Variants in GOLGA7B observed in about 807,000 individuals in gnomAD.
The protein encoded by GOLGA7B is golgin A7 family member B, also known as golgin subfamily A member 7B.
In GOLGA7B, 17 loss-of-function variants were observed where a neutral mutation model predicts 21.5. The observed-to-expected ratio is 0.79, with a 90% confidence interval of 0.54 to 1.19. The LOEUF (loss-of-function observed/expected upper bound fraction) is 1.19, where lower values mean the gene tolerates loss of function less well. Among genes scored for constraint, GOLGA7B ranks in the 50% most tolerant of loss-of-function variants. The pLI, the probability that GOLGA7B is intolerant of heterozygous loss-of-function variation, is 0.00. For missense variants in GOLGA7B, 169 were observed against 224.4 expected, an observed-to-expected ratio of 0.75 and a Z score of 1.58; for synonymous variants, 87 against 84.0, an observed-to-expected ratio of 1.04 and a Z score of -0.19.
chr10:97,856,521 A>G (rs1011318472), intron 1 of GOLGA7B, among the ~76,000 whole-genome samples: 5 of 152,192 alleles, frequency 3.3e-5, no homozygotes, highest in Non-Finnish European at 5.9e-5. Flanking sequence ...TGACTTTGCT[A>G]TTGTGAATAG....
At chr10:97,850,512 C>A (rs771266892) in intron 1 of GOLGA7B, among the ~76,000 whole-genome samples, 197 bp downstream of exon 1, 9 of 152,194 alleles carry the variant, frequency 5.9e-5, no homozygotes, top group South Asian at 2.1e-4. Context: ...CCTCGCCCCA[C>A]CTGAGCCCCC....
chr10:97,859,426 T>G (rs1276184471), intron 1 of GOLGA7B, 32 bp from the exon 2 acceptor site: 1 of 1,611,648 alleles, frequency 6.2e-7, no homozygotes, highest in East Asian at 2.2e-5. Context: ...GGATGGTCAC[T>G]CTCAGCACAT....
chr10:97,853,206 C>T (rs2049914526), intron 1 of GOLGA7B, among the ~76,000 whole-genome samples: 1 of 152,166 alleles, frequency 6.6e-6, no homozygotes, highest in African/African-American at 2.4e-5. Context: ...TTAGGCCTGA[C>T]CTGGCTGTCT....
At chr10:97,854,931 G>C (rs909648888) in intron 1 of GOLGA7B, among the ~76,000 whole-genome samples, 3 of 152,122 alleles carry the variant, frequency 2.0e-5, no homozygotes, top group Admixed American at 1.3e-4. Context: ...TCAACACAGG[G>C]CTCCACCAGC....
Position 97,866,690 on chromosome 10 carries a change from G to A in GOLGA7B, c.*990G>A, listed in dbSNP as rs1484544548. 1 of 152,246 alleles carries A rather than the reference G, an allele frequency of 6.6e-6. No homozygotes were observed. Among genetic ancestry groups the A allele is most frequent in the Non-Finnish European group, 1.5e-5 (1 of 68,044 alleles). The allele number at this position is 152,246 out of a possible 1,614,324, so 9.4% of individuals were successfully genotyped here. On this transcript the variant is annotated 3_prime_UTR_variant, in exon 5 of 5. Transcript: ENST00000370602. ...TATAAGCACACCTGTGTGTGTCTGA[G>A]TACATGTGCACACACGTGTGCACAA...
Position 97,869,921 on chromosome 10 carries a change from C to G in GOLGA7B, c.*4221C>G, listed in dbSNP as rs968737159. ...CATCACCACCTGGTTTGGGCTTTAC[C>G]ATTCACCCAGGGATAAGGCAAGGCA... On this transcript the variant is annotated 3_prime_UTR_variant, in exon 5 of 5. Coordinates refer to ENST00000370602, the MANE Select transcript of GOLGA7B (RefSeq NM_001010917.3). 6.6e-6 allele frequency: 1 copy of G among 152,286 alleles called. No individual in the cohort carries two copies. The highest frequency in any genetic ancestry group is 1.5e-5 in the Non-Finnish European group (1 of 68,096). 9.4% of individuals were successfully genotyped at this position (152,286 alleles called of 1,614,324 possible).
rs2050017490 is a variant in GOLGA7B, at chr10:97,865,893, T to C, written c.*193T>C. The C allele has an allele frequency of 1.1e-6, 1 of 911,400 alleles. No homozygotes were observed. The highest frequency in any genetic ancestry group is 1.6e-6 in the Non-Finnish European group (1 of 633,268). 56.5% of individuals were successfully genotyped at this position (911,400 alleles called of 1,614,324 possible). The stretch of plus-strand genomic sequence containing the variant: ...CTATGCCCCCTGTCCCTCACCCCCG[T>C]CTGGATCAGTCCATTTCCTGACCTG... On this transcript the variant is annotated 3_prime_UTR_variant, in exon 5 of 5. Coordinates refer to ENST00000370602, the MANE Select transcript of GOLGA7B (RefSeq NM_001010917.3).
In GOLGA7B at chr10:97,865,829, GGA is replaced by G; in HGVS notation, c.*131_*132del. The G allele has an allele frequency of 8.4e-7, 1 of 1,194,904 alleles. No individual in the cohort carries two copies. Among genetic ancestry groups the G allele is most frequent in the Non-Finnish European group, 1.1e-6 (1 of 889,020 alleles). The allele number at this position is 1,194,904 out of a possible 1,614,324, so 74.0% of individuals were successfully genotyped here. ...CTCACCCTGCTGCCCGGGGTGGGAG[GGA>G]GGGTGACGGGCCTCATATTTCCTGT... On this transcript the variant is annotated 3_prime_UTR_variant, in exon 5 of 5. Transcript: ENST00000370602.
chr10:97,862,414 T>C (rs1379382523), intron 2 of GOLGA7B, among the ~76,000 whole-genome samples: 1 of 152,212 alleles, frequency 6.6e-6, no homozygotes, highest in African/African-American at 2.4e-5. Flanking sequence ...GAGTCTTCTG[T>C]TAATACAAAC....
At chr10:97,863,293 G>A (rs915306220) in intron 2 of GOLGA7B, among the ~76,000 whole-genome samples, 3 of 152,222 alleles carry the variant, frequency 2.0e-5, no homozygotes, top group African/African-American at 7.2e-5. Flanking sequence ...AAATGAAAGA[G>A]TGCATTTCCT....
At position 97,869,035 on chromosome 10, in the gene GOLGA7B, C is replaced by A. The variant is rs140613090; in HGVS notation, c.*3335C>A. ...GTTAAGTAACTGGGAAATTGCAGAT[C>A]TTGGCTTTGAATCTAGGCAATCTGA... On this transcript the variant is annotated 3_prime_UTR_variant, in exon 5 of 5. Transcript: ENST00000370602. The A allele has an allele frequency of 1.3e-5, 2 of 152,350 alleles. No individual in the cohort carries two copies. Among genetic ancestry groups the A allele is most frequent in the East Asian group, 3.9e-4 (2 of 5,188 alleles). The allele number at this position is 152,350 out of a possible 1,614,324, so 9.4% of individuals were successfully genotyped here.
intron 2 of GOLGA7B, among the ~76,000 whole-genome samples, chr10:97,861,881 A>AT (rs2049973137): frequency 6.6e-6 from 1 of 151,980 alleles, no homozygotes; most frequent in African/African-American, 2.4e-5. Flanking sequence ...TTTTCATAGG[A>AT]TTTTCTCTAT....
intron 2 of GOLGA7B, among the ~76,000 whole-genome samples, chr10:97,861,919 A>G (rs2049973591): frequency 6.6e-6 from 1 of 152,070 alleles, no homozygotes; most frequent in African/African-American, 2.4e-5. Context: ...GTGTAGGGGG[A>G]ACTCCTAAGC....
rs767364497 is a variant in GOLGA7B, at chr10:97,865,674, G to C, written c.478G>C (p.Gly160Arg). ...SSSGSGSSSG[G>R]GGGAGAR ...CAGCGGCAGTGGCAGCAGCAGCGGT[G>C]GGGGTGGTGGGGCGGGGGCCCGGTG... Residue 160 changes from glycine to arginine, a missense_variant, in exon 5 of 5, where the codon GGG becomes CGG. Coordinates refer to ENST00000370602, the MANE Select transcript of GOLGA7B (RefSeq NM_001010917.3). 6.2e-7 allele frequency: 1 copy of C among 1,608,270 alleles called. No individual in the cohort carries two copies. Among genetic ancestry groups the C allele is most frequent in the Non-Finnish European group, 8.5e-7 (1 of 1,177,394 alleles).
Position 97,865,636 on chromosome 10 carries a change from G to GCAGCGGCA in GOLGA7B, c.441_448dup (p.Ser150ThrfsTer93), listed in dbSNP as rs1234008337. On this transcript the variant is annotated frameshift_variant, in exon 5 of 5. Transcript: ENST00000370602. LOFTEE classifies it high-confidence loss of function. ...GACCGGTGCAGCAGTGGCAGCTCCA[G>GCAGCGGCA]CAGCGGCAGCAGCAGCGGCAGTGGC... The GCAGCGGCA allele has an allele frequency of 6.2e-7, 1 of 1,612,316 alleles. No homozygotes were observed. The highest frequency in any genetic ancestry group is 8.5e-7 in the Non-Finnish European group (1 of 1,179,394).
rs1403114589 is a variant in GOLGA7B at position 97,867,880 on chromosome 10, T to C, written c.*2180T>C. The C allele has an allele frequency of 6.6e-6, 1 of 152,258 alleles. No homozygotes were observed. Among genetic ancestry groups the C allele is most frequent in the Non-Finnish European group, 1.5e-5 (1 of 68,118 alleles). The allele number at this position is 152,258 out of a possible 1,614,324, so 9.4% of individuals were successfully genotyped here. ...AGGATGAACTCTGTCTTCTTGGAGCTTGCAGTCTACTGAAGAGGCAGACAC... is the reference window on the plus strand; with the variant it reads ...AGGATGAACTCTGTCTTCTTGGAGCCTGCAGTCTACTGAAGAGGCAGACAC... On this transcript the variant is annotated 3_prime_UTR_variant, in exon 5 of 5. Coordinates refer to ENST00000370602, the MANE Select transcript of GOLGA7B (RefSeq NM_001010917.3).
intron 1 of GOLGA7B, among the ~76,000 whole-genome samples, chr10:97,852,596 G>A (rs1054025862): frequency 1.3e-5 from 2 of 152,106 alleles, no homozygotes; most frequent in African/African-American, 4.8e-5. Flanking sequence ...AACTTGTTGG[G>A]AGAGGGAAAA....
chr10:97,858,385 T>C (rs1236618210), intron 1 of GOLGA7B, among the ~76,000 whole-genome samples: 1 of 152,216 alleles, frequency 6.6e-6, no homozygotes, highest in African/African-American at 2.4e-5. Flanking sequence ...TGGATCCAGC[T>C]TAATTACATG....
chr10:97,857,362 GACACACACACACACACACAC>G (rs60908270), intron 1 of GOLGA7B, among the ~76,000 whole-genome samples: 3 of 135,446 alleles, frequency 2.2e-5, no homozygotes, highest in South Asian at 2.5e-4. Flanking sequence ...ACAATAGCCA[GACACACACACACACACACAC>G]ACACACACAC....
Sources: gnomAD v4.1 joint callset for allele counts (sites outside exome capture counted in the v4.1 genomes callset) on GRCh38, gnomAD v4.1.1 for gene constraint, MANE v1.5 for transcripts, NCBI Gene and HGNC (gene_info 2026-07-23, HGNC 2026-07-21) for gene names.